DENND2B: variants seen among roughly 807,000 people sequenced by gnomAD.
The protein encoded by DENND2B is DENN domain containing 2B, also known as DENN domain-containing protein 2B.
A neutral mutation model predicts 116.0 loss-of-function variants in DENND2B; 32 were observed. That is an observed-to-expected ratio of 0.28 (90% CI 0.21 to 0.37). The LOEUF is 0.37. Ranked by LOEUF, DENND2B falls within the 10% of genes least tolerant of loss-of-function variation. DENND2B has a pLI of 1.00. For synonymous variants in DENND2B, 588 were observed against 583.9 expected (o/e 1.01, Z -0.10); for missense variants, 1,276 against 1,477.7 (o/e 0.86, Z 2.24).
At chr11:8,785,843 G>A (rs2058851719) in intron 1 of DENND2B, 1 of 152,142 alleles carries the variant, frequency 6.6e-6, no homozygotes, top group African/African-American at 2.4e-5. Flanking sequence ...GCTAGTATAA[G>A]GATTAAACAA....
intron 2 of DENND2B, chr11:8,881,001 G>A (rs1361575856): frequency 1.3e-5 from 2 of 151,992 alleles, no homozygotes; most frequent in Non-Finnish European, 2.9e-5. Flanking sequence ...TTTGAAGAAC[G>A]ACCCTTACCC....
At chr11:8,787,129 C>A (rs762265222) in intron 1 of DENND2B, 2 of 152,226 alleles carry the variant, frequency 1.3e-5, no homozygotes, top group Non-Finnish European at 2.9e-5. Flanking sequence ...TCAAAATTCG[C>A]ATTCCTTCCA....
chr11:8,878,826 T>C (rs1232704430), intron 2 of DENND2B, among the ~76,000 whole-genome samples: 1 of 152,168 alleles, frequency 6.6e-6, no homozygotes, highest in Non-Finnish European at 1.5e-5. Context: ...AAGTCACATA[T>C]TGTATGATTC....
chr11:8,706,412 C>T (rs72858217), intron 13 of DENND2B, among the ~76,000 whole-genome samples: 1,922 of 147,324 alleles, frequency 0.013, 17 homozygotes, highest in East Asian at 0.045. Flanking sequence ...AACCCTCTGA[C>T]CAGCATTTGC....
chr11:8,713,892 A>G, intron 8 of DENND2B, 106 bp downstream of exon 8: 1 of 1,258,022 alleles, frequency 7.9e-7, no homozygotes, highest in South Asian at 1.2e-5. Flanking sequence ...ACCTCTCCAC[A>G]TCAGGCCGGT....
chr11:8,783,046 C>CTT (rs35035048), intron 1 of DENND2B, among the ~76,000 whole-genome samples: 18,038 of 118,904 alleles, frequency 0.15, 1,989 homozygotes, highest in African/African-American at 0.29. Flanking sequence ...CACCACTTAC[C>CTT]TTTTTTTTTT....
upstream of DENND2B, among the ~76,000 whole-genome samples, chr11:8,814,550 ACTCACCTTGC>A (rs1480157737): frequency 6.6e-6 from 1 of 151,704 alleles, no homozygotes; most frequent in Non-Finnish European, 1.5e-5. Context: ...GATAGCTCTT[ACTCACCTTGC>A]CTCACCTTGA....
chr11:8,849,103 A>G (rs1048688632), intron 3 of DENND2B, among the ~76,000 whole-genome samples: 2 of 152,094 alleles, frequency 1.3e-5, no homozygotes, highest in Admixed American at 1.3e-4. Context: ...TTCAAATTCT[A>G]CCCATGGACC....
chr11:8,699,050 C>T, intron 15 of DENND2B, 76 bp from the exon 16 acceptor site: 1 of 1,583,886 alleles, frequency 6.3e-7, no homozygotes, highest in Non-Finnish European at 8.6e-7. Flanking sequence ...TCCAGACCTC[C>T]CAGGTTCCCA....
chr11:8,851,884 T>C (rs1218907668), intron 3 of DENND2B, among the ~76,000 whole-genome samples: 1 of 152,196 alleles, frequency 6.6e-6, no homozygotes, highest in Non-Finnish European at 1.5e-5. Context: ...ATCTTTTTCC[T>C]ATTTTCCAAT....
intron 5 of DENND2B, among the ~76,000 whole-genome samples, chr11:8,717,021 A>T (rs1473390634): frequency 6.6e-6 from 1 of 152,242 alleles, no homozygotes; most frequent in African/African-American, 2.4e-5. Flanking sequence ...ATTTTATATT[A>T]TCTGGCCAAT....
chr11:8,810,806 G>GTCTCTCTCTCTC (rs34550908), upstream of DENND2B: 981 of 140,290 alleles, frequency 7.0e-3, 24 homozygotes, highest in African/African-American at 0.025. Context: ...CTTTCTCACT[G>GTCTCTCTCTCTC]TCTCTCTCTC....
intron 3 of DENND2B, among the ~76,000 whole-genome samples, chr11:8,839,612 G>T (rs532476105): frequency 6.6e-6 from 1 of 152,288 alleles, no homozygotes; most frequent in South Asian, 2.1e-4. Context: ...GCCACCAGTG[G>T]TCCCCCTCCC....
intron 3 of DENND2B, among the ~76,000 whole-genome samples, chr11:8,727,605 A>G (rs967950575): frequency 1.2e-4 from 19 of 152,204 alleles, no homozygotes; most frequent in African/African-American, 4.3e-4. Flanking sequence ...CATATCTACC[A>G]TCTCTATCTT....
In DENND2B at chr11:8,698,986, A is replaced by G. The variant is rs1251474210; in HGVS notation, c.2899-12T>C. On this transcript the variant is annotated splice_polypyrimidine_tract_variant and intron_variant, in intron 15 of 19. Coordinates refer to ENST00000313726, the MANE Select transcript of DENND2B (RefSeq NM_213618.2). ...TTCACCATCAGCGCCTGAGAAAAGG[A>G]GTCATTAGCAGAGTGGCTCAGGGCA... 6.2e-7 allele frequency: 1 copy of G among 1,614,050 alleles called. No homozygotes were observed. The highest frequency in any genetic ancestry group is 1.1e-5 in the South Asian group (1 of 91,080).
intron 19 of DENND2B, 21 bp from the exon 20 acceptor site, chr11:8,694,151 G>A: frequency 6.2e-7 from 1 of 1,614,182 alleles, no homozygotes; most frequent in East Asian, 2.2e-5. Flanking sequence ...GAGAGGACAA[G>A]AGAGAATGTT....
At chr11:8,899,813 A>G (rs916061411) in intron 1 of DENND2B, among the ~76,000 whole-genome samples, 2 of 152,232 alleles carry the variant, frequency 1.3e-5, no homozygotes, top group African/African-American at 4.8e-5. Flanking sequence ...GACTCTATAC[A>G]TATGTTTCTC....
chr11:8,876,693 A>G (rs948426430), intron 2 of DENND2B, among the ~76,000 whole-genome samples: 1 of 152,116 alleles, frequency 6.6e-6, no homozygotes, highest in Non-Finnish European at 1.5e-5. Context: ...CCTGGCCAAC[A>G]TGGTGAAACC....
At chr11:8,756,397 A>G (rs1000172713) in intron 1 of DENND2B, among the ~76,000 whole-genome samples, 22 of 152,338 alleles carry the variant, frequency 1.4e-4, no homozygotes, top group African/African-American at 5.1e-4. Context: ...TAACCAAGAA[A>G]GAAGCAGAAC....
Sources: allele counts gnomAD v4.1 joint callset (sites outside exome capture counted in the v4.1 genomes callset), GRCh38; gene constraint gnomAD v4.1.1; transcripts MANE v1.5; gene names NCBI Gene and HGNC (gene_info 2026-07-23, HGNC 2026-07-21).